Variants in ABRAXAS2 observed in about 807,000 individuals in gnomAD.
The protein encoded by ABRAXAS2 is abraxas 2, BRISC complex subunit.
Under a neutral mutation model 49.0 loss-of-function variants are expected in ABRAXAS2, and 23 were observed. That is an observed-to-expected ratio of 0.47 (90% CI 0.34 to 0.66). The LOEUF is 0.66. Among genes scored for constraint, ABRAXAS2 ranks in the 30% least tolerant of loss-of-function variants. ABRAXAS2 has a pLI of 0.01. For missense variants in ABRAXAS2, 443 were observed against 511.9 expected (o/e 0.87, Z 1.30); for synonymous variants, 168 against 180.2 (o/e 0.93, Z 0.54).
intron 5 of ABRAXAS2, among the ~76,000 whole-genome samples, chr10:124,827,692 T>C (rs976391377): frequency 6.6e-6 from 1 of 151,864 alleles, no homozygotes; most frequent in African/African-American, 2.4e-5. Flanking sequence ...AAATACAAAA[T>C]TGTGAAATTG....
chr10:124,834,372 A>G, intron 8 of ABRAXAS2, 130 bp from the exon 9 acceptor site: 1 of 691,924 alleles, frequency 1.4e-6, no homozygotes, highest in Non-Finnish European at 2.4e-6. Flanking sequence ...TTGTAAAATA[A>G]TTAATAGTGA....
At chr10:124,829,267 C>A in intron 6 of ABRAXAS2, 126 bp from the exon 7 acceptor site, 1 of 682,686 alleles carries the variant, frequency 1.5e-6, no homozygotes, top group Non-Finnish European at 2.6e-6. Context: ...GGGCATTATT[C>A]CTTAAACACT....
intron 1 of ABRAXAS2, among the ~76,000 whole-genome samples, chr10:124,802,284 G>A (rs2134155393): frequency 6.6e-6 from 1 of 152,300 alleles, no homozygotes; most frequent in Admixed American, 6.5e-5. Flanking sequence ...TCTAAAGGCC[G>A]GGCGTTTAGT....
chr10:124,833,685 A>T (rs1950949491), intron 8 of ABRAXAS2, among the ~76,000 whole-genome samples: 1 of 152,154 alleles, frequency 6.6e-6, no homozygotes. Context: ...TGTTATTGGG[A>T]TGATGGAATT....
chr10:124,810,159 A>G (rs1950777740), intron 2 of ABRAXAS2, among the ~76,000 whole-genome samples: 1 of 152,174 alleles, frequency 6.6e-6, no homozygotes, highest in Non-Finnish European at 1.5e-5. Context: ...GGGAAGCCAA[A>G]AGATTGGATA....
rs148818649 is a variant in ABRAXAS2 at position 124,805,405 on chromosome 10, T to C, written c.73-1426T>C. ...ATAGATTCTCACTTTAAACTGGAAA[T>C]GTTTTTAAACAGGAAACTTCATTAA... On this transcript the variant is annotated intron_variant, in intron 1 of 8. Transcript: ENST00000298492. Among the ~76,000 whole-genome samples, 12 of 151,612 alleles carry C rather than the reference T, an allele frequency of 7.9e-5. No homozygotes were observed. The East Asian group carries it at 2.3e-3, about 29-fold the overall frequency.
Position 124,828,762 on chromosome 10 carries a change from T to TGA in ABRAXAS2, c.465_466insGA (p.Gln156AspfsTer11). The TGA allele has an allele frequency of 1.2e-6, 2 of 1,613,338 alleles. No homozygotes were observed. The highest frequency in any genetic ancestry group is 1.7e-6 in the Non-Finnish European group (2 of 1,179,498). On this transcript the variant is annotated frameshift_variant, in exon 6 of 9. Coordinates refer to ENST00000298492, the MANE Select transcript of ABRAXAS2 (RefSeq NM_032182.4). LOFTEE classifies it high-confidence loss of function. ...CTCTGAATTTTTCCCATAGGTATAATCAGAGGATATCACTCGCTATTCCCA... is the reference window on the plus strand; with the variant it reads ...CTCTGAATTTTTCCCATAGGTATAATGACAGAGGATATCACTCGCTATTCCCA...
At position 124,836,334 on chromosome 10, in the gene ABRAXAS2, A is replaced by T. The variant is rs1950968210; in HGVS notation, c.*1363A>T. On this transcript the variant is annotated 3_prime_UTR_variant, in exon 9 of 9. Coordinates refer to ENST00000298492, the MANE Select transcript of ABRAXAS2 (RefSeq NM_032182.4). ...AATTAGACAGTATCATATAGACGGA[A>T]AATGAAATGCTAGAACTGCCGTTCT... 6.6e-6 allele frequency: 1 copy of T among 152,202 alleles called. No homozygotes were observed. The highest frequency in any genetic ancestry group is 1.5e-5 in the Non-Finnish European group (1 of 68,032). The allele number at this position is 152,202 out of a possible 1,614,324, so 9.4% of individuals were successfully genotyped here.
In ABRAXAS2 at chr10:124,834,899, A is replaced by G; in HGVS notation, c.1176A>G (p.Ser392=). 1.2e-6 allele frequency: 2 copies of G among 1,614,152 alleles called. No individual in the cohort carries two copies. Among genetic ancestry groups the G allele is most frequent in the South Asian group, 1.1e-5 (1 of 91,084 alleles). The change falls in exon 9 of 9, where the codon TCA becomes TCG. Residue 392 remains serine, a synonymous_variant. Transcript: ENST00000298492. ...CAGAGCCTTCTAATAGTGAATACTC[A>G]CATTCAAAGGATTCTCGACCCATGG... ...DPTEPSNSEY[S]HSKDSRPMAH... is the part of the protein sequence containing the mutation.
chr10:124,826,427 G>A (rs1044302291), intron 4 of ABRAXAS2, among the ~76,000 whole-genome samples, 168 bp from the exon 5 acceptor site: 1 of 152,174 alleles, frequency 6.6e-6, no homozygotes, highest in African/African-American at 2.4e-5. Flanking sequence ...GCATATGCCT[G>A]AAGCACAGTC....
At position 124,805,665 on chromosome 10, in the gene ABRAXAS2, C is replaced by T. The variant is rs573502201; in HGVS notation, c.73-1166C>T. Among the ~76,000 whole-genome samples, 5 of 151,948 alleles carry T rather than the reference C, an allele frequency of 3.3e-5. No individual in the cohort carries two copies. The South Asian group carries it at 6.3e-4, about 19-fold the overall frequency. ...GTAATATGATGGATAGTGAGAAGACCAAGAAGAAAAAGAATGTAAGGTAAA... is the reference window on the plus strand; with the variant it reads ...GTAATATGATGGATAGTGAGAAGACTAAGAAGAAAAAGAATGTAAGGTAAA... On this transcript the variant is annotated intron_variant, in intron 1 of 8. Coordinates refer to ENST00000298492, the MANE Select transcript of ABRAXAS2 (RefSeq NM_032182.4).
Position 124,835,095 on chromosome 10 carries a change from C to T in ABRAXAS2, c.*124C>T. On this transcript the variant is annotated 3_prime_UTR_variant, in exon 9 of 9. Transcript: ENST00000298492. ...TACCTTAACTCCCGAGAAGAGAGTC[C>T]TTGTGCACAGAACTTGTGGGAGCCT... The T allele has an allele frequency of 1.4e-6, 1 of 710,276 alleles. No homozygotes were observed. The highest frequency in any genetic ancestry group is 2.3e-6 in the Non-Finnish European group (1 of 436,176). 44.0% of individuals were successfully genotyped at this position (710,276 alleles called of 1,614,324 possible).
At chr10:124,805,196 G>A (rs1314584631) in intron 1 of ABRAXAS2, among the ~76,000 whole-genome samples, 6 of 152,034 alleles carry the variant, frequency 3.9e-5, no homozygotes, top group African/African-American at 1.4e-4. Context: ...AGCCGGGCGC[G>A]GTGGCGGGCG....
intron 2 of ABRAXAS2, among the ~76,000 whole-genome samples, chr10:124,814,587 C>T (rs548546712): frequency 6.6e-5 from 10 of 152,128 alleles, no homozygotes; most frequent in East Asian, 1.9e-4. Flanking sequence ...GTGATCCACC[C>T]GCCTTGGCCT....
chr10:124,835,619 C>T lies in ABRAXAS2; in HGVS notation c.*648C>T, dbSNP rs1459075371. ...AAAAAAAAGTAGAGATACTAATTAC[C>T]AGTAAGTAATCATCCAAATAAATAC... On this transcript the variant is annotated 3_prime_UTR_variant, in exon 9 of 9. Coordinates refer to ENST00000298492, the MANE Select transcript of ABRAXAS2 (RefSeq NM_032182.4). The T allele has an allele frequency of 6.6e-6, 1 of 152,216 alleles. No individual in the cohort carries two copies. Among genetic ancestry groups the T allele is most frequent in the Non-Finnish European group, 1.5e-5 (1 of 68,004 alleles). 9.4% of individuals were successfully genotyped at this position (152,216 alleles called of 1,614,324 possible).
Position 124,820,337 on chromosome 10 carries a change from C to T in ABRAXAS2, c.267+887C>T, listed in dbSNP as rs80034404. On this transcript the variant is annotated intron_variant, in intron 4 of 8. Transcript: ENST00000298492. Reference sequence around the variant, plus strand: ...GGTGTTAAAGCAGCCACAGGCATCACGTGGTCCAGTGCTCTCATACTAGTG... The same window carrying T: ...GGTGTTAAAGCAGCCACAGGCATCATGTGGTCCAGTGCTCTCATACTAGTG... Among the ~76,000 whole-genome samples, 17 of 152,304 alleles carry T rather than the reference C, an allele frequency of 1.1e-4. 1 individual carries two copies. The East Asian group carries it at 2.7e-3, about 24-fold the overall frequency.
chr10:124,802,046 G>GC (rs953447212), intron 1 of ABRAXAS2, 145 bp downstream of exon 1: 2 of 734,524 alleles, frequency 2.7e-6, no homozygotes, highest in Non-Finnish European at 2.2e-6. Flanking sequence ...GGCGGCTCCC[G>GC]CCCCCGGTGA....
intron 1 of ABRAXAS2, 80 bp from the exon 2 acceptor site, chr10:124,806,751 A>G: frequency 3.3e-6 from 3 of 897,322 alleles, no homozygotes; most frequent in Non-Finnish European, 5.2e-6. Flanking sequence ...TTATAAATTT[A>G]TATGTCCTCA....
chr10:124,806,867 A>G lies in ABRAXAS2; in HGVS notation c.109A>G (p.Thr37Ala). ...ACTGGGAGAGGTAAGACAAGAGGAA[A>G]CGTTTAGCATCAGTGACTCACAAAT... Reference protein sequence around the residue: ...FLLGEVRQEETFSISDSQISN... With the variant: ...FLLGEVRQEEAFSISDSQISN... Residue 37 changes from threonine to alanine, a missense_variant, in exon 2 of 9, where the codon ACG becomes GCG. Thr to Ala is a moderately conservative substitution (Grantham distance 58, BLOSUM62 0). Coordinates refer to ENST00000298492, the MANE Select transcript of ABRAXAS2 (RefSeq NM_032182.4). 1.2e-6 allele frequency: 2 copies of G among 1,611,586 alleles called. No homozygotes were observed. The highest frequency in any genetic ancestry group is 2.2e-5 in the South Asian group (2 of 90,430).
Sources: gnomAD v4.1 joint callset for allele counts (sites outside exome capture counted in the v4.1 genomes callset) on GRCh38, gnomAD v4.1.1 for gene constraint, MANE v1.5 for transcripts, NCBI Gene and HGNC (gene_info 2026-07-23, HGNC 2026-07-21) for gene names.